The following RNF214 variants were observed in gnomAD, a reference collection of about 807,000 sequenced individuals.
RNF214 encodes the protein ring finger protein 214.
In RNF214, 25 loss-of-function variants were observed where a neutral mutation model predicts 75.9. That is an observed-to-expected ratio of 0.33 (90% CI 0.24 to 0.46). The LOEUF (loss-of-function observed/expected upper bound fraction) is 0.46, where lower values mean the gene tolerates loss of function less well. Among genes scored for constraint, RNF214 ranks in the 20% least tolerant of loss-of-function variants. The pLI, the probability that RNF214 is intolerant of heterozygous loss-of-function variation, is 1.00. For synonymous variants in RNF214, 314 were observed against 308.8 expected, an observed-to-expected ratio of 1.02 and a Z score of -0.18; for missense variants, 725 against 857.5, an observed-to-expected ratio of 0.85 and a Z score of 1.93.
chr11:117,262,346 C>G (rs565656072), intron 6 of RNF214, among the ~76,000 whole-genome samples: 1 of 152,114 alleles, frequency 6.6e-6, no homozygotes, highest in African/African-American at 2.4e-5. Flanking sequence ...CTCGGCCTCC[C>G]GAAGTGCTGG....
In RNF214 at chr11:117,286,423, T is replaced by C. The variant is rs1409964965; in HGVS notation, c.*1272T>C. 1.3e-5 allele frequency: 2 copies of C among 152,232 alleles called. No homozygotes were observed. Among genetic ancestry groups the C allele is most frequent in the African/African-American group, 4.8e-5 (2 of 41,454 alleles). 9.4% of individuals were successfully genotyped at this position (152,232 alleles called of 1,614,324 possible). ...CCTACAGGGAATGGCCTCAGCTCCCTTCTCTTTTAGAATTAAACAAGTAAA... is the reference window on the plus strand; with the variant it reads ...CCTACAGGGAATGGCCTCAGCTCCCCTCTCTTTTAGAATTAAACAAGTAAA... On this transcript the variant is annotated 3_prime_UTR_variant, in exon 15 of 15. Transcript: ENST00000300650.
chr11:117,236,039 C>T (rs577150475), intron 2 of RNF214, among the ~76,000 whole-genome samples: 8 of 152,004 alleles, frequency 5.3e-5, no homozygotes, highest in South Asian at 4.2e-4. Context: ...TGGCTCACTG[C>T]GACCTCTGCC....
chr11:117,236,519 G>C (rs1241853421), intron 2 of RNF214, among the ~76,000 whole-genome samples: 1 of 152,010 alleles, frequency 6.6e-6, no homozygotes, highest in African/African-American at 2.4e-5. Flanking sequence ...TGATCCGCCC[G>C]CCTCAGCCTC....
rs1053788820 is a variant in RNF214, at chr11:117,265,464, A to T, written c.960-14444A>T. Among the ~76,000 whole-genome samples, 8 of 151,826 alleles carry T rather than the reference A, an allele frequency of 5.3e-5. 1 individual carries two copies. Among genetic ancestry groups the T allele is most frequent in the Admixed American group, 4.6e-4 (7 of 15,228 alleles). On this transcript the variant is annotated intron_variant, in intron 6 of 14. Transcript: ENST00000300650. ...GTTTCATTCTTGTTGCCCAGGCTGG[A>T]GTGCAATGGCGTGATCTGGGCTCAC...
At chr11:117,245,047 G>A (rs117524108) in intron 5 of RNF214, among the ~76,000 whole-genome samples, 1,852 of 151,800 alleles carry the variant, frequency 0.012, 69 homozygotes, top group East Asian at 0.092. Context: ...GGCGGGGTGT[G>A]GTGGCTCACA....
Position 117,285,082 on chromosome 11 carries a change from C to A in RNF214, c.2047-4C>A. 6.2e-7 allele frequency: 1 copy of A among 1,605,950 alleles called. No individual in the cohort carries two copies. The highest frequency in any genetic ancestry group is 8.5e-7 in the Non-Finnish European group (1 of 1,172,878). On this transcript the variant is annotated splice_region_variant and splice_polypyrimidine_tract_variant and intron_variant, in intron 14 of 14. Coordinates refer to ENST00000300650, the MANE Select transcript of RNF214 (RefSeq NM_207343.4). ...ACCTGAGGTGTGTCTTTCTTTCTTTCCAGTGTATCAAATTCTGGGCCCAGA... is the reference window on the plus strand; with the variant it reads ...ACCTGAGGTGTGTCTTTCTTTCTTTACAGTGTATCAAATTCTGGGCCCAGA...
At chr11:117,267,921 TAGAGAA>T (rs1311016675) in intron 6 of RNF214, among the ~76,000 whole-genome samples, 2 of 152,240 alleles carry the variant, frequency 1.3e-5, no homozygotes, top group East Asian at 3.9e-4. Context: ...ACTAAGGCGG[TAGAGAA>T]AGACAACAGT....
At chr11:117,280,718 T>G (rs1013450590) in intron 8 of RNF214, among the ~76,000 whole-genome samples, 4 of 152,194 alleles carry the variant, frequency 2.6e-5, no homozygotes, top group African/African-American at 9.7e-5. Flanking sequence ...AGCATAACAA[T>G]GATCTTTGGA....
At chr11:117,233,796 C>G (rs1565325337) in intron 1 of RNF214, among the ~76,000 whole-genome samples, 1 of 152,212 alleles carries the variant, frequency 6.6e-6, no homozygotes, top group Non-Finnish European at 1.5e-5. Context: ...TGTTGACTTA[C>G]AGGCAGACAC....
intron 14 of RNF214, among the ~76,000 whole-genome samples, chr11:117,283,602 G>A (rs992126520): frequency 2.0e-5 from 3 of 152,006 alleles, no homozygotes; most frequent in East Asian, 1.9e-4. Context: ...CTTGTGATCC[G>A]CCCATCTCAG....
chr11:117,244,383 A>C (rs2033156937), intron 4 of RNF214, 62 bp from the exon 5 acceptor site: 2 of 1,430,670 alleles, frequency 1.4e-6, no homozygotes, highest in Non-Finnish European at 2.0e-6. Context: ...TTGGACAGGC[A>C]CTGGTGAATG....
intron 6 of RNF214, among the ~76,000 whole-genome samples, chr11:117,261,307 C>T (rs2033656860): frequency 6.6e-6 from 1 of 152,096 alleles, no homozygotes; most frequent in African/African-American, 2.4e-5. Flanking sequence ...TGGCTGGGCT[C>T]AGTGGCTCAT....
chr11:117,280,441 G>A (rs1472542809), intron 8 of RNF214, among the ~76,000 whole-genome samples, 182 bp downstream of exon 8: 1 of 152,154 alleles, frequency 6.6e-6, no homozygotes, highest in Non-Finnish European at 1.5e-5. Context: ...CTAAAGTTCT[G>A]TACTGTAACT....
intron 6 of RNF214, among the ~76,000 whole-genome samples, chr11:117,262,388 G>T (rs981565779): frequency 6.6e-6 from 1 of 151,392 alleles, no homozygotes; most frequent in Non-Finnish European, 1.5e-5. Flanking sequence ...CACCTGGCCT[G>T]TTTGGTTTTT....
intron 12 of RNF214, 22 bp from the exon 13 acceptor site, chr11:117,282,724 C>T (rs1565349615): frequency 6.2e-7 from 1 of 1,604,608 alleles, no homozygotes; most frequent in African/African-American, 1.3e-5. Flanking sequence ...TTCCCTTACT[C>T]TGACAATGTT....
Position 117,285,549 on chromosome 11 carries a change from AT to A in RNF214, c.*399del, listed in dbSNP as rs1052942488. ...TAGTCCATTTCCTTAAGGCTCATGT[AT>A]GCAGATTTAAAGCCTGGTGCTCACC... On this transcript the variant is annotated 3_prime_UTR_variant, in exon 15 of 15. Transcript: ENST00000300650. 1 of 157,122 alleles carries A rather than the reference AT, an allele frequency of 6.4e-6. No individual in the cohort carries two copies. Among genetic ancestry groups the A allele is most frequent in the Non-Finnish European group, 1.4e-5 (1 of 71,364 alleles). The allele number at this position is 157,122 out of a possible 1,614,324, so 9.7% of individuals were successfully genotyped here.
chr11:117,251,872 A>T (rs1236811523), intron 6 of RNF214, among the ~76,000 whole-genome samples: 1 of 152,068 alleles, frequency 6.6e-6, no homozygotes, highest in Non-Finnish European at 1.5e-5. Context: ...ATTTTATTTT[A>T]CTTTTTCATT....
chr11:117,258,927 G>T (rs2134388052), intron 6 of RNF214, among the ~76,000 whole-genome samples: 2 of 152,166 alleles, frequency 1.3e-5, no homozygotes, highest in East Asian at 3.9e-4. Context: ...TATTCATGTT[G>T]TCCGTTTTTA....
Position 117,238,845 on chromosome 11 carries a change from G to A in RNF214, c.352G>A (p.Glu118Lys), listed in dbSNP as rs2032988980. 6 of 1,614,118 alleles carry A rather than the reference G, an allele frequency of 3.7e-6. No individual in the cohort carries two copies. The highest frequency in any genetic ancestry group is 5.1e-6 in the Non-Finnish European group (6 of 1,180,048). Residue 118 changes from glutamate to lysine, a missense_variant, in exon 3 of 15, where the codon GAG (glutamate) becomes AAG (lysine). By Grantham distance (56) the Glu-to-Lys change is moderately conservative. Coordinates refer to ENST00000300650, the MANE Select transcript of RNF214 (RefSeq NM_207343.4). The part of the protein sequence containing the change: ...DLKDVASTAG[E>K]EGDTSLRESL... ...GAAGGATGTGGCCAGCACAGCAGGA[G>A]AGGAGGGGGACACAAGCCTTCGGGA...
Sources: gnomAD v4.1 joint callset for allele counts (sites outside exome capture counted in the v4.1 genomes callset) on GRCh38, gnomAD v4.1.1 for gene constraint, MANE v1.5 for transcripts, NCBI Gene and HGNC (gene_info 2026-07-23, HGNC 2026-07-21) for gene names.